The following PCGF3 variants were observed in gnomAD, a reference collection of about 807,000 sequenced individuals.
The protein encoded by PCGF3 is polycomb group RING finger protein 3.
Under a neutral mutation model 33.1 loss-of-function variants are expected in PCGF3, and 7 were observed. The observed-to-expected ratio is 0.21, with a 90% CI of 0.12 to 0.40. The LOEUF is 0.40. PCGF3 is among the 10% of genes least tolerant of loss of function. The probability of loss-of-function intolerance (pLI) is 1.00; values close to 1 mark genes in which losing one functional copy is unlikely to be tolerated. For missense variants in PCGF3, 211 were observed against 313.3 expected (o/e 0.67, Z 2.46); for synonymous variants, 153 against 121.3 (o/e 1.26, Z -1.72).
At chr4:749,476 C>CT (rs71640348) in intron 8 of PCGF3, among the ~76,000 whole-genome samples, 4,970 of 75,372 alleles carry the variant, frequency 0.066, 654 homozygotes, top group African/African-American at 0.22. Context: ...ATTTTCTTTC[C>CT]TTTTTTTTTT....
chr4:751,879 G>A (rs920904961), intron 8 of PCGF3, among the ~76,000 whole-genome samples: 2 of 152,134 alleles, frequency 1.3e-5, no homozygotes, highest in African/African-American at 4.8e-5. Flanking sequence ...ATCATCTGAC[G>A]GGCGCAGGCC....
At chr4:749,308 G>T (rs1470203003) in intron 8 of PCGF3, among the ~76,000 whole-genome samples, 3 of 151,912 alleles carry the variant, frequency 2.0e-5, no homozygotes, top group Non-Finnish European at 1.5e-5. Context: ...GGGATTACAG[G>T]CATGCGCCAC....
chr4:731,095 C>T (rs11553326), exon 3 of PCGF3: 14,195 of 398,598 alleles, frequency 0.036, 327 homozygotes, highest in South Asian at 0.093. Flanking sequence ...GACGGACACG[C>T]GGACGTCTAG....
intron 1 of PCGF3, among the ~76,000 whole-genome samples, chr4:728,809 C>A (rs73221121): frequency 6.6e-6 from 1 of 152,042 alleles, no homozygotes; most frequent in South Asian, 2.1e-4. Context: ...ATTAAAAATT[C>A]GTTCGGTTGG....
At chr4:766,849 G>A (rs751455600) in exon 11 of PCGF3, 2 of 152,216 alleles carry the variant, frequency 1.3e-5, no homozygotes, top group Non-Finnish European at 2.9e-5. Flanking sequence ...GCTCAGTGCT[G>A]GTTTACGGAA....
chr4:706,585 AGGGC>A (rs1742316325), intron 1 of PCGF3, among the ~76,000 whole-genome samples: 1 of 134,514 alleles, frequency 7.4e-6, no homozygotes, highest in Non-Finnish European at 1.6e-5. Flanking sequence ...GGACCGCGGG[AGGGC>A]AGGGACCCCA....
At chr4:755,886 T>C (rs1448891741) in intron 8 of PCGF3, among the ~76,000 whole-genome samples, 2 of 151,334 alleles carry the variant, frequency 1.3e-5, no homozygotes, top group Non-Finnish European at 2.9e-5. Flanking sequence ...CTCCTCATTT[T>C]TCTTCTTCAG....
chr4:743,340 TTGC>T (rs2152590838), intron 6 of PCGF3, 131 bp from the exon 7 acceptor site: 1 of 621,214 alleles, frequency 1.6e-6, no homozygotes, highest in African/African-American at 1.9e-5. Flanking sequence ...CAGTCTTAAT[TTGC>T]TGCTTTCTTA....
chr4:716,945 CTG>C (rs1265654051), intron 1 of PCGF3, among the ~76,000 whole-genome samples: 45 of 131,762 alleles, frequency 3.4e-4, no homozygotes, highest in South Asian at 1.4e-3. Context: ...CCTGTAGACA[CTG>C]TGAGTGTGAG....
intron 4 of PCGF3, 25 bp downstream of exon 4, chr4:733,814 AG>A: frequency 1.2e-6 from 2 of 1,613,700 alleles, no homozygotes; most frequent in Non-Finnish European, 1.7e-6. Flanking sequence ...CGCGCCACCC[AG>A]GGAGGGCGCG....
intron 9 of PCGF3, chr4:761,682 A>G (rs1398169784): frequency 3.9e-5 from 38 of 985,258 alleles, no homozygotes; most frequent in Non-Finnish European, 4.6e-5. Flanking sequence ...TTAAAATAGG[A>G]TAAAGGTTTT....
At chr4:712,948 C>T (rs1742637093) in intron 1 of PCGF3, among the ~76,000 whole-genome samples, 1 of 152,212 alleles carries the variant, frequency 6.6e-6, no homozygotes, top group South Asian at 2.1e-4. Context: ...GTCCCGTTGG[C>T]CTTGTGGGTC....
chr4:709,523 A>G (rs1260954424), intron 1 of PCGF3, among the ~76,000 whole-genome samples: 1 of 152,212 alleles, frequency 6.6e-6, no homozygotes, highest in East Asian at 1.9e-4. Flanking sequence ...GCAAGAGTGA[A>G]TGATGTATGA....
chr4:760,730 T>G (rs1745007150), intron 8 of PCGF3, among the ~76,000 whole-genome samples: 1 of 152,212 alleles, frequency 6.6e-6, no homozygotes, highest in African/African-American at 2.4e-5. Context: ...CTGGGCAGAT[T>G]CCTTTTCGCA....
intron 8 of PCGF3, among the ~76,000 whole-genome samples, chr4:751,542 T>A (rs1744513864): frequency 6.6e-6 from 1 of 152,062 alleles, no homozygotes; most frequent in Non-Finnish European, 1.5e-5. Context: ...GACAGTCGTT[T>A]CTTCTCTTAA....
Position 720,082 on chromosome 4 carries a change from CAG to C in PCGF3, c.-189-10547_-189-10546del, listed in dbSNP as rs991024030. Among the ~76,000 whole-genome samples the C allele has an allele frequency of 6.6e-6, 1 of 152,158 alleles. No individual in the cohort carries two copies. Among genetic ancestry groups the C allele is most frequent in the Non-Finnish European group, 1.5e-5 (1 of 68,022 alleles). ...GTTTTGCAGAGCCCGTTGGTGAAGG[CAG>C]GGGTGCCTCTGGCATCGACTGGATG... On this transcript the variant is annotated intron_variant, in intron 1 of 10. Transcript: ENST00000362003. The surrounding 1 kb of genome is among the most constrained non-coding windows in gnomAD (Gnocchi z 5.6).
chr4:737,371 G>C (rs756121457), intron 5 of PCGF3, 95 bp from the exon 6 acceptor site: 11 of 830,652 alleles, frequency 1.3e-5, no homozygotes, highest in Non-Finnish European at 2.2e-5. Flanking sequence ...GCTCCAGACT[G>C]GTGATTCTGA....
chr4:741,702 C>T (rs572228999), intron 6 of PCGF3, among the ~76,000 whole-genome samples: 6 of 152,310 alleles, frequency 3.9e-5, no homozygotes, highest in East Asian at 1.9e-4. Context: ...CCACCGCGCC[C>T]GGCCCCAATA....
At chr4:717,943 G>A (rs554911962) in intron 1 of PCGF3, among the ~76,000 whole-genome samples, 115 of 152,344 alleles carry the variant, frequency 7.5e-4, no homozygotes, top group Non-Finnish European at 3.1e-4. Context: ...TTGTGTGTTC[G>A]GGAATCCCGT....
Sources: allele counts gnomAD v4.1 joint callset (sites outside exome capture counted in the v4.1 genomes callset), GRCh38; gene constraint gnomAD v4.1.1; non-coding constraint Gnocchi (gnomAD v3.1); transcripts MANE v1.5; gene names NCBI Gene and HGNC (gene_info 2026-07-23, HGNC 2026-07-21).